The following STX7 variants were observed in gnomAD, a reference collection of about 807,000 sequenced individuals.
STX7 encodes syntaxin 7, also known as syntaxin-7.
STX7 carries 34 observed loss-of-function variants against 39.6 expected under a neutral mutation model. That is an observed-to-expected ratio of 0.86 (90% CI 0.65 to 1.14). The LOEUF is 1.14. STX7 is among the 50% of genes most tolerant of loss of function. The probability of loss-of-function intolerance (pLI) is 0.00; values close to 1 mark genes in which losing one functional copy is unlikely to be tolerated. For synonymous variants in STX7, 119 were observed against 99.1 expected (o/e 1.20, Z -1.19); for missense variants, 284 against 310.4 (o/e 0.92, Z 0.64).
At chr6:132,478,879 G>T (rs1425256948) in intron 2 of STX7, among the ~76,000 whole-genome samples, 1 of 152,178 alleles carries the variant, frequency 6.6e-6, no homozygotes, top group Non-Finnish European at 1.5e-5. Context: ...TTATCTCACG[G>T]TTATGCACAC....
chr6:132,500,574 T>C (rs1289461230), intron 2 of STX7, among the ~76,000 whole-genome samples: 2 of 152,314 alleles, frequency 1.3e-5, no homozygotes, highest in South Asian at 2.1e-4. Context: ...ATATTTTCTT[T>C]ACAGAAAGTT....
chr6:132,470,672 C>A, intron 5 of STX7, 46 bp from the exon 6 acceptor site: 1 of 1,383,774 alleles, frequency 7.2e-7, no homozygotes. Flanking sequence ...GCAAAAAAAG[C>A]AAAAATGAGA....
At chr6:132,480,288 C>T (rs1265671900) in intron 2 of STX7, among the ~76,000 whole-genome samples, 1 of 152,146 alleles carries the variant, frequency 6.6e-6, no homozygotes, top group Non-Finnish European at 1.5e-5. Context: ...GAGACTCAAT[C>T]CTGGCACCAC....
In STX7 at chr6:132,449,474, A is replaced by G. The variant is rs1476349451; in HGVS notation, c.*11284T>C. ...TGGAAATTTGTCAGCAATTACCTCA[A>G]TTTTTTTCTATTTTTTACTTCTTAG... On this transcript the variant is annotated 3_prime_UTR_variant, in exon 10 of 10. Coordinates refer to ENST00000367941, the MANE Select transcript of STX7 (RefSeq NM_003569.3). The G allele has an allele frequency of 6.6e-6, 1 of 151,900 alleles. No individual in the cohort carries two copies. The highest frequency in any genetic ancestry group is 2.4e-5 in the African/African-American group (1 of 41,352). 9.4% of individuals were successfully genotyped at this position (151,900 alleles called of 1,614,324 possible).
At chr6:132,498,967 T>C (rs926781702) in intron 2 of STX7, among the ~76,000 whole-genome samples, 5 of 152,206 alleles carry the variant, frequency 3.3e-5, no homozygotes, top group African/African-American at 1.2e-4. Flanking sequence ...TAAACCCCCT[T>C]CTTTCCCGCC....
chr6:132,490,935 G>A (rs1775264433), intron 2 of STX7, among the ~76,000 whole-genome samples: 1 of 149,588 alleles, frequency 6.7e-6, no homozygotes, highest in South Asian at 2.1e-4. Context: ...GGGGCTGAGA[G>A]GCAGAGGAGG....
rs1010463390 is a variant in STX7, at chr6:132,446,216, T to C, written c.*14542A>G. ...GGTTCAATTCAGATTGTAATTTCTT[T>C]TTAAACTACCTGACCCTTATAATCA... On this transcript the variant is annotated 3_prime_UTR_variant, in exon 10 of 10. Transcript: ENST00000367941. 4 of 152,206 alleles carry C rather than the reference T, an allele frequency of 2.6e-5. No individual in the cohort carries two copies. The highest frequency in any genetic ancestry group is 9.6e-5 in the African/African-American group (4 of 41,452). 9.4% of individuals were successfully genotyped at this position (152,206 alleles called of 1,614,324 possible).
At position 132,475,647 on chromosome 6, in the gene STX7, C is replaced by T; in HGVS notation, c.101G>A (p.Arg34Lys). The T allele has an allele frequency of 1.2e-6, 2 of 1,607,304 alleles. No individual in the cohort carries two copies. Among genetic ancestry groups the T allele is most frequent in the Middle Eastern group, 1.7e-4 (1 of 6,004 alleles). The change falls in exon 3 of 10, where the codon AGA becomes AAA. Residue 34 changes from arginine (R) to lysine (K), a missense_variant. Arg to Lys is a conservative substitution (Grantham distance 26, BLOSUM62 2). Transcript: ENST00000367941. ...AGGTGTTCCAAGTTGATTCAGAGTT[C>T]TTTGTATTTCCACAGCTATTATAAT... ...KITQCSVEIQ[R>K]TLNQLGTPQD...
At position 132,469,010 on chromosome 6, in the gene STX7, A is replaced by C. The variant is rs569523589; in HGVS notation, c.538-535T>G. Among the ~76,000 whole-genome samples the C allele has an allele frequency of 2.6e-5, 4 of 152,308 alleles. No homozygotes were observed. In the South Asian group the frequency reaches 8.3e-4, roughly 32 times the overall value. On this transcript the variant is annotated intron_variant, in intron 7 of 9. Coordinates refer to ENST00000367941, the MANE Select transcript of STX7 (RefSeq NM_003569.3). Reference sequence around the variant, plus strand: ...GTTATAAACTTGGTGATTAAATATAAATTTACTTTTCTTCAATGACACAAT... The same window carrying C: ...GTTATAAACTTGGTGATTAAATATACATTTACTTTTCTTCAATGACACAAT...
chr6:132,497,158 A>G (rs1220343150), intron 2 of STX7, among the ~76,000 whole-genome samples: 1 of 152,194 alleles, frequency 6.6e-6, no homozygotes, highest in African/African-American at 2.4e-5. Context: ...AGCAAAAAAT[A>G]AAAACAAAAT....
chr6:132,486,061 G>T (rs7751258), intron 2 of STX7, among the ~76,000 whole-genome samples: 3,557 of 152,296 alleles, frequency 0.023, 126 homozygotes, highest in African/African-American at 0.08. Context: ...ACATTGATCA[G>T]ATACTTACTA....
chr6:132,503,394 G>C, intron 2 of STX7, 52 bp downstream of exon 2: 2 of 1,479,224 alleles, frequency 1.4e-6, no homozygotes, highest in East Asian at 4.6e-5. Flanking sequence ...CCTCCACCAA[G>C]TTCAGTTAAG....
At chr6:132,502,891 T>C (rs1775610929) in intron 2 of STX7, among the ~76,000 whole-genome samples, 1 of 151,702 alleles carries the variant, frequency 6.6e-6, no homozygotes, top group Non-Finnish European at 1.5e-5. Flanking sequence ...AGAGTGAGGC[T>C]GTCTCTAAAA....
intron 3 of STX7, among the ~76,000 whole-genome samples, chr6:132,473,517 G>GTT (rs752590497): frequency 0.31 from 37,996 of 124,324 alleles, 5,585 homozygotes; most frequent in East Asian, 0.58. Context: ...TTATTATTGT[G>GTT]TTGTTTTTTT....
chr6:132,460,887 T>C (rs1582643106), intron 9 of STX7, 37 bp from the exon 10 acceptor site: 2 of 1,577,640 alleles, frequency 1.3e-6, no homozygotes, highest in South Asian at 2.2e-5. Flanking sequence ...CAAAAAAACA[T>C]GTTTACAGAT....
intron 1 of STX7, 84 bp from the exon 2 acceptor site, chr6:132,503,672 G>A: frequency 3.5e-6 from 2 of 576,378 alleles, no homozygotes; most frequent in Admixed American, 3.3e-5. Context: ...AAGTTACAAG[G>A]ACAAACTTGA....
chr6:132,481,710 T>C (rs542154487), intron 2 of STX7, among the ~76,000 whole-genome samples: 2 of 152,230 alleles, frequency 1.3e-5, no homozygotes, highest in African/African-American at 2.4e-5. Flanking sequence ...CCTACACTTA[T>C]GCAGCATACA....
chr6:132,471,698 T>C, intron 4 of STX7, 98 bp from the exon 5 acceptor site: 1 of 1,382,248 alleles, frequency 7.2e-7, no homozygotes, highest in Non-Finnish European at 9.9e-7. Flanking sequence ...AGTTTTCACT[T>C]ACTCCCCAAT....
intron 1 of STX7, among the ~76,000 whole-genome samples, chr6:132,505,013 G>A (rs1368668244): frequency 6.6e-6 from 1 of 152,222 alleles, no homozygotes; most frequent in East Asian, 1.9e-4. Context: ...GCTGGGACAA[G>A]GGGAAAACAA....
Sources: allele counts gnomAD v4.1 joint callset (sites outside exome capture counted in the v4.1 genomes callset), GRCh38; gene constraint gnomAD v4.1.1; transcripts MANE v1.5; gene names NCBI Gene and HGNC (gene_info 2026-07-23, HGNC 2026-07-21).